The following CACNA1A variants were observed in gnomAD, a reference collection of about 807,000 sequenced individuals.
CACNA1A encodes calcium voltage-gated channel subunit alpha1 A.
CACNA1A carries 57 observed loss-of-function variants against 262.4 expected under a neutral mutation model. The observed-to-expected ratio is 0.22, with a 90% CI of 0.18 to 0.27. The LOEUF (loss-of-function observed/expected upper bound fraction) is 0.27. Among genes scored for constraint, CACNA1A ranks in the 10% least tolerant of loss-of-function variants. The probability of loss-of-function intolerance (pLI) is 1.00; values close to 1 mark genes in which losing one functional copy is unlikely to be tolerated. For synonymous variants in CACNA1A, 1,431 were observed against 1,419.3 expected, an observed-to-expected ratio of 1.01 and a Z score of -0.18; for missense variants, 2,526 against 3,562.8, an observed-to-expected ratio of 0.71 and a Z score of 7.41.
intron 19 of CACNA1A, among the ~76,000 whole-genome samples, chr19:13,297,091 C>T (rs1004487562): frequency 6.6e-6 from 1 of 152,140 alleles, no homozygotes; most frequent in Non-Finnish European, 1.5e-5. Context: ...GCCAAAAATG[C>T]TCTAAATTTA....
chr19:13,380,645 CAAAAAAAA>C (rs370031243), intron 3 of CACNA1A, among the ~76,000 whole-genome samples: 18 of 55,222 alleles, frequency 3.3e-4, no homozygotes, highest in South Asian at 2.1e-3. Context: ...GACTCTGTCT[CAAAAAAAA>C]AAAAAAAAAA....
At chr19:13,425,932 C>T (rs2060394943) in intron 3 of CACNA1A, among the ~76,000 whole-genome samples, 3 of 152,188 alleles carry the variant, frequency 2.0e-5, no homozygotes. Context: ...GTGGCACACG[C>T]CTGTAATCCC....
chr19:13,377,124 T>C (rs779281030), intron 3 of CACNA1A, among the ~76,000 whole-genome samples: 48 of 152,002 alleles, frequency 3.2e-4, no homozygotes, highest in Middle Eastern at 3.4e-3. Flanking sequence ...CATGCCTGGC[T>C]AATTTTTTTG....
intron 10 of CACNA1A, among the ~76,000 whole-genome samples, chr19:13,323,991 G>A (rs980186890): frequency 6.6e-6 from 1 of 152,182 alleles, no homozygotes; most frequent in Non-Finnish European, 1.5e-5. Flanking sequence ...AGCAAACTAA[G>A]TGTCCCACAA....
intron 1 of CACNA1A, among the ~76,000 whole-genome samples, chr19:13,503,685 C>A (rs1982666018): frequency 7.2e-6 from 1 of 139,610 alleles, no homozygotes; most frequent in Non-Finnish European, 1.5e-5. Flanking sequence ...AAAGCTCAGT[C>A]CTGGATGACC....
chr19:13,422,651 TG>T (rs2060336180), intron 3 of CACNA1A, among the ~76,000 whole-genome samples: 1 of 152,168 alleles, frequency 6.6e-6, no homozygotes, highest in Non-Finnish European at 1.5e-5. Flanking sequence ...TGTGTTCAGC[TG>T]GGGCCCTGGG....
intron 26 of CACNA1A, chr19:13,260,238 A>G (rs1455581502): frequency 1.3e-5 from 2 of 154,090 alleles, no homozygotes; most frequent in African/African-American, 4.8e-5. Context: ...TAACAATATC[A>G]CTATATATAC....
rs184891269 is a variant in CACNA1A at position 13,408,459 on chromosome 19, G to A, written c.540-36680C>T. 3.3e-5 allele frequency among the ~76,000 whole-genome samples: 5 copies of A among 152,324 alleles called. No homozygotes were observed. In the East Asian group the frequency reaches 9.6e-4, roughly 29 times the overall value. Reference sequence around the variant, plus strand: ...AGCAGGGTATAAGGAACCTGGGTAAGTTTCAGAGATTCCAAGATCTTCAAA... The same window carrying A: ...AGCAGGGTATAAGGAACCTGGGTAAATTTCAGAGATTCCAAGATCTTCAAA... On this transcript the variant is annotated intron_variant, in intron 3 of 46. Transcript: ENST00000360228.
At chr19:13,285,256 T>A (rs755882058) in intron 20 of CACNA1A, 50 bp from the exon 21 acceptor site, 25 of 1,607,832 alleles carry the variant, frequency 1.6e-5, no homozygotes, top group Admixed American at 3.4e-5. Flanking sequence ...TTCCCACAAG[T>A]CTCTGGGAAC....
At chr19:13,505,387 C>T (rs747002719) in intron 1 of CACNA1A, among the ~76,000 whole-genome samples, 1 of 152,202 alleles carries the variant, frequency 6.6e-6, no homozygotes. Flanking sequence ...TTGCTCTTAG[C>T]CCTGGGAGCC....
chr19:13,263,965 GA>G (rs1261559431), intron 24 of CACNA1A, among the ~76,000 whole-genome samples: 1 of 152,110 alleles, frequency 6.6e-6, no homozygotes, highest in Non-Finnish European at 1.5e-5. Context: ...GAGTCTGAAG[GA>G]GGGAAAATAA....
chr19:13,214,407 C>A lies in CACNA1A; in HGVS notation c.5840-74G>T. 1.3e-6 allele frequency: 2 copies of A among 1,545,946 alleles called. No homozygotes were observed. Among genetic ancestry groups the A allele is most frequent in the East Asian group, 2.3e-5 (1 of 44,076 alleles). On this transcript the variant is annotated intron_variant, in intron 39 of 46. Coordinates refer to ENST00000360228, the MANE Select transcript of CACNA1A (RefSeq NM_001127222.2). This position sits in a 1 kb window ranked among gnomAD's most constrained non-coding sequence, Gnocchi z 4.1. ...CCCTTGTCCTGGGTCCCTGTGTATA[C>A]CAGCCCAGGCCAACACTCTCCCCAG...
chr19:13,495,239 G>A (rs1568707011), intron 1 of CACNA1A, among the ~76,000 whole-genome samples: 1 of 152,144 alleles, frequency 6.6e-6, no homozygotes, highest in East Asian at 1.9e-4. Flanking sequence ...GCAAATCACT[G>A]TCCCCTACCC....
intron 11 of CACNA1A, among the ~76,000 whole-genome samples, chr19:13,314,788 C>T (rs560203377): frequency 6.6e-6 from 1 of 152,218 alleles, no homozygotes; most frequent in South Asian, 2.1e-4. Flanking sequence ...CCGTCAAAGT[C>T]CTTCACAGTA....
chr19:13,354,533 C>T (rs1290643716), intron 6 of CACNA1A, among the ~76,000 whole-genome samples: 1 of 152,202 alleles, frequency 6.6e-6, no homozygotes, highest in Non-Finnish European at 1.5e-5. Flanking sequence ...AGCCCCTGCA[C>T]CCTGGCATTG....
intron 23 of CACNA1A, among the ~76,000 whole-genome samples, chr19:13,276,730 C>T (rs1456904393): frequency 6.9e-6 from 1 of 145,134 alleles, no homozygotes; most frequent in Non-Finnish European, 1.5e-5. Context: ...CAGAGTCTCG[C>T]TGTGTCACCC....
chr19:13,356,288 CCTTA>C (rs2059006431), intron 6 of CACNA1A, among the ~76,000 whole-genome samples: 1 of 152,198 alleles, frequency 6.6e-6, no homozygotes, highest in South Asian at 2.1e-4. Context: ...TGCGAATCCA[CCTTA>C]CTTAGTCCTC....
At chr19:13,418,245 G>A (rs904882169) in intron 3 of CACNA1A, among the ~76,000 whole-genome samples, 2 of 152,124 alleles carry the variant, frequency 1.3e-5, no homozygotes, top group African/African-American at 4.8e-5. Context: ...CATGAAGTCA[G>A]CTTTCTCAGG....
intron 28 of CACNA1A, among the ~76,000 whole-genome samples, chr19:13,255,893 CTT>C (rs1323619501): frequency 7.5e-5 from 10 of 133,620 alleles, no homozygotes; most frequent in Non-Finnish European, 1.2e-4. Flanking sequence ...CCTTCGCTCC[CTT>C]TCTTTCTTCT....
Sources: gnomAD v4.1 joint callset for allele counts (sites outside exome capture counted in the v4.1 genomes callset) on GRCh38, gnomAD v4.1.1 for gene constraint, Gnocchi (gnomAD v3.1) non-coding constraint, MANE v1.5 for transcripts, NCBI Gene and HGNC (gene_info 2026-07-23, HGNC 2026-07-21) for gene names.